OGDHL: variants seen among roughly 807,000 people sequenced by gnomAD.
OGDHL encodes the protein 2-oxoglutarate dehydrogenase-like, mitochondrial.
In OGDHL, 79 loss-of-function variants were observed where a neutral mutation model predicts 109.6. The observed-to-expected ratio is 0.72, with a 90% CI of 0.60 to 0.87. The LOEUF is 0.87. Among genes scored for constraint, OGDHL ranks in the 40% least tolerant of loss-of-function variants. The pLI is 0.00. For missense variants in OGDHL, 1,275 were observed against 1,362.2 expected, an observed-to-expected ratio of 0.94 and a Z score of 1.01; for synonymous variants, 528 against 537.2, an observed-to-expected ratio of 0.98 and a Z score of 0.24.
intron 15 of OGDHL, among the ~76,000 whole-genome samples, chr10:49,742,128 TAC>T (rs939194508): frequency 6.5e-4 from 71 of 109,556 alleles, no homozygotes; most frequent in African/African-American, 2.5e-3. Context: ...ATACACACCC[TAC>T]ACACACACCA....
In OGDHL at chr10:49,734,677, GT is replaced by G. The variant is rs1362814657; in HGVS notation, c.*550del. 1.3e-5 allele frequency: 2 copies of G among 152,060 alleles called. No individual in the cohort carries two copies. The highest frequency in any genetic ancestry group is 4.8e-5 in the African/African-American group (2 of 41,364). 9.4% of individuals were successfully genotyped at this position (152,060 alleles called of 1,614,324 possible). On this transcript the variant is annotated 3_prime_UTR_variant, in exon 23 of 23. Coordinates refer to ENST00000374103, the MANE Select transcript of OGDHL (RefSeq NM_018245.3). ...CATGTTTTTATTTCTCTGTGATTTG[GT>G]TTTCTACTTTGGTACACATGAGCTG...
intron 2 of OGDHL, among the ~76,000 whole-genome samples, chr10:49,758,131 G>A (rs1843025324): frequency 6.6e-6 from 1 of 152,220 alleles, no homozygotes; most frequent in Admixed American, 6.5e-5. Flanking sequence ...AGGCAGCATA[G>A]CACGACAAAG....
intron 8 of OGDHL, 128 bp downstream of exon 8, chr10:49,749,598 G>A (rs1286831202): frequency 1.2e-5 from 9 of 781,430 alleles, no homozygotes; most frequent in Non-Finnish European, 1.4e-5. Flanking sequence ...CCTCTCTCCT[G>A]CAGGCTTCTC....
At chr10:49,744,151 T>C in intron 13 of OGDHL, 29 bp from the exon 14 acceptor site, 1 of 1,610,752 alleles carries the variant, frequency 6.2e-7, no homozygotes, top group Non-Finnish European at 8.5e-7. Flanking sequence ...CTGTCCACAC[T>C]GTGTCAGTGG....
chr10:49,737,496 A>C (rs896681650), intron 20 of OGDHL, among the ~76,000 whole-genome samples: 8 of 152,236 alleles, frequency 5.3e-5, no homozygotes, highest in Non-Finnish European at 8.8e-5. Flanking sequence ...AATGATACTC[A>C]ATATCTTGCG....
rs1367619645 is a variant in OGDHL at position 49,756,898 on chromosome 10, A to G, written c.253T>C (p.Ser85Pro). 1.2e-6 allele frequency: 2 copies of G among 1,613,892 alleles called. No homozygotes were observed. Among genetic ancestry groups the G allele is most frequent in the South Asian group, 1.1e-5 (1 of 90,998 alleles). Reference protein sequence around the residue: ...REASEEAFSGSAQPRPPSVVH... With the variant: ...REASEEAFSGPAQPRPPSVVH... ...ACAGAAGGGGGCCGTGGCTGAGCAG[A>G]GCCAGAAAAGGCTTCCTCGCTGGCT... Residue 85 changes from serine to proline, a missense_variant, in exon 3 of 23, where the codon TCT (serine) becomes CCT (proline). Transcript: ENST00000374103.
At chr10:49,737,711 C>T in intron 20 of OGDHL, 75 bp downstream of exon 20, 1 of 1,523,262 alleles carries the variant, frequency 6.6e-7, no homozygotes, top group Non-Finnish European at 9.1e-7. Flanking sequence ...GTTGGAGAAG[C>T]CCCAGAAGCA....
chr10:49,751,088 G>A, intron 6 of OGDHL, 103 bp from the exon 7 acceptor site: 1 of 1,106,734 alleles, frequency 9.0e-7, no homozygotes, highest in Non-Finnish European at 1.3e-6. Flanking sequence ...GAATGCTGAG[G>A]ACAGAGGAAG....
chr10:49,741,474 C>G (rs115287658), intron 15 of OGDHL, among the ~76,000 whole-genome samples: 2,054 of 152,174 alleles, frequency 0.013, 50 homozygotes, highest in African/African-American at 0.046. Context: ...AGCCACACCA[C>G]CCTGGCTTGC....
At position 49,737,995 on chromosome 10, in the gene OGDHL, G is replaced by C. The variant is rs1213189423; in HGVS notation, c.2469C>G (p.Asn823Lys). 1.9e-6 allele frequency: 3 copies of C among 1,614,122 alleles called. No individual in the cohort carries two copies. The highest frequency in any genetic ancestry group is 3.3e-5 in the Admixed American group (2 of 60,014). The change falls in exon 19 of 23, where the codon AAC becomes AAG. Residue 823 changes from asparagine (N) to lysine (K), a missense_variant. Coordinates refer to ENST00000374103, the MANE Select transcript of OGDHL (RefSeq NM_018245.3). ...WIVVNCSTPA[N>K]YFHVLRRQIL... is the part of the protein sequence containing the mutation. ...TCTGCCGGCGCAGCACGTGGAAGTA[G>C]TTGGCCGGTGTGGAGCAGTTGACCA...
At chr10:49,740,631 G>T (rs1279428593) in intron 16 of OGDHL, 79 bp downstream of exon 16, 2 of 1,524,298 alleles carry the variant, frequency 1.3e-6, no homozygotes, top group Non-Finnish European at 1.8e-6. Context: ...CCCAGGCCCT[G>T]GCCCCGGTCC....
At chr10:49,745,576 T>C in intron 11 of OGDHL, 80 bp from the exon 12 acceptor site, 1 of 1,565,692 alleles carries the variant, frequency 6.4e-7, no homozygotes, top group Non-Finnish European at 8.7e-7. Flanking sequence ...GGGGAATATC[T>C]GGGTAGGGCA....
At chr10:49,757,206 A>G (rs1296677785) in intron 2 of OGDHL, among the ~76,000 whole-genome samples, 1 of 152,262 alleles carries the variant, frequency 6.6e-6, no homozygotes, top group African/African-American at 2.4e-5. Flanking sequence ...GGAAGATTAC[A>G]CAGTCTTTTA....
rs1841881819 is a variant in OGDHL at position 49,742,846 on chromosome 10, A to T, written c.1994T>A (p.Val665Glu). ...CGCTCACCTGAATGTGCCCCTCTCC[A>T]CATCCTGCCCGCTGAGCCGCACGTG... ...GIHVRLSGQDVERGTFSHRHH... is the reference protein window; with the variant it reads ...GIHVRLSGQDEERGTFSHRHH... The change falls in exon 15 of 23, where the codon GTG (valine) becomes GAG (glutamate). Residue 665 changes from valine to glutamate, a missense_variant. Val to Glu is a moderately radical substitution (Grantham distance 121). Coordinates refer to ENST00000374103, the MANE Select transcript of OGDHL (RefSeq NM_018245.3). 2 of 1,613,320 alleles carry T rather than the reference A, an allele frequency of 1.2e-6. No homozygotes were observed. The highest frequency in any genetic ancestry group is 1.7e-6 in the Non-Finnish European group (2 of 1,179,786).
Position 49,734,921 on chromosome 10 carries a change from GC to G in OGDHL, c.*306del. The G allele has an allele frequency of 4.6e-6, 1 of 216,550 alleles. No homozygotes were observed. The highest frequency in any genetic ancestry group is 1.1e-4 in the East Asian group (1 of 9,112). 13.4% of individuals were successfully genotyped at this position (216,550 alleles called of 1,614,324 possible). ...GGGATGGGAGCGGCCACAGACACAG[GC>G]CCCCGGGTGTCTGTCTTGAGATACA... On this transcript the variant is annotated 3_prime_UTR_variant, in exon 23 of 23. Transcript: ENST00000374103.
intron 7 of OGDHL, 39 bp downstream of exon 7, chr10:49,750,800 G>A (rs1269904142): frequency 1.9e-6 from 3 of 1,567,592 alleles, no homozygotes; most frequent in Admixed American, 1.8e-5. Flanking sequence ...CCCTGGGCTG[G>A]AGGAGAATGC....
At chr10:49,760,105 C>T (rs1245806361) in intron 1 of OGDHL, among the ~76,000 whole-genome samples, 1 of 152,248 alleles carries the variant, frequency 6.6e-6, no homozygotes. Context: ...GGGGTGATGT[C>T]ACCTCAATGG....
rs756735122 is a variant in OGDHL, at chr10:49,744,684, C to T, written c.1698G>A (p.Leu566=). 21 of 1,614,170 alleles carry T rather than the reference C, an allele frequency of 1.3e-5. No individual in the cohort carries two copies. The South Asian group carries it at 2.2e-4, about 17-fold the overall frequency. The part of the protein sequence containing the change: ...AYGRSKDKKI[L]HIKHWLDSPW... ...GGGAGTCCAACCAGTGCTTTATATG[C>T]AGAATCTTTTTATCCTTGGACCTGC... The change falls in exon 13 of 23, where the codon CTG becomes CTA. Residue 566 remains leucine (L), a synonymous_variant. Transcript: ENST00000374103.
chr10:49,748,013 C>T (rs191389600), intron 8 of OGDHL, among the ~76,000 whole-genome samples: 3 of 151,818 alleles, frequency 2.0e-5, no homozygotes, highest in Admixed American at 1.3e-4. Flanking sequence ...GATTCGAGAG[C>T]GTGTAGGAGG....
Sources: gnomAD v4.1 joint callset for allele counts (sites outside exome capture counted in the v4.1 genomes callset) on GRCh38, gnomAD v4.1.1 for gene constraint, MANE v1.5 for transcripts, NCBI Gene and HGNC (gene_info 2026-07-23, HGNC 2026-07-21) for gene names.